SSH1: variants seen among roughly 807,000 people sequenced by gnomAD.
SSH1 encodes the protein protein phosphatase Slingshot homolog 1.
SSH1 carries 43 observed loss-of-function variants against 79.7 expected under a neutral mutation model. That is an observed-to-expected ratio of 0.54 (90% confidence interval 0.42 to 0.70). The LOEUF (loss-of-function observed/expected upper bound fraction) is 0.70. SSH1 is among the 30% of genes least tolerant of loss of function. The probability of loss-of-function intolerance (pLI) is 0.00; values close to 1 mark genes in which losing one functional copy is unlikely to be tolerated. For synonymous variants in SSH1, 599 were observed against 538.3 expected (o/e 1.11, Z -1.56); for missense variants, 1,206 against 1,358.8 (o/e 0.89, Z 1.77).
At position 108,780,330 on chromosome 12, in the gene SSH1, G is replaced by C. The variant is rs555196240; in HGVS notation, c.*7658C>G. 3 of 152,186 alleles carry C rather than the reference G, an allele frequency of 2.0e-5. No homozygotes were observed. Among genetic ancestry groups the C allele is most frequent in the Non-Finnish European group, 4.4e-5 (3 of 68,044 alleles). The allele number at this position is 152,186 out of a possible 1,614,324, so 9.4% of individuals were successfully genotyped here. A position where few individuals can be genotyped will look rare whatever the true frequency, so the allele number is the denominator to read the frequency against. ...GATCTGGGATCGTGCCCAACCGCGA[G>C]ACAGTTACTCTGAGGAGGAAATCAG... On this transcript the variant is annotated 3_prime_UTR_variant, in exon 15 of 15. Coordinates refer to ENST00000326495, the MANE Select transcript of SSH1 (RefSeq NM_018984.4).
rs2136926076 is a variant in SSH1 at position 108,780,966 on chromosome 12, A to C, written c.*7022T>G. 1 of 151,966 alleles carries C rather than the reference A, an allele frequency of 6.6e-6. No homozygotes were observed. The highest frequency in any genetic ancestry group is 2.1e-4 in the South Asian group (1 of 4,790). 9.4% of individuals were successfully genotyped at this position (151,966 alleles called of 1,614,324 possible). ...GGCAGGAAAATCACTTGAACCCAGG[A>C]GGCAGAGGTTGCGGTGAGCTGAGAT... On this transcript the variant is annotated 3_prime_UTR_variant, in exon 15 of 15. Coordinates refer to ENST00000326495, the MANE Select transcript of SSH1 (RefSeq NM_018984.4).
rs1055320447 is a variant in SSH1, at chr12:108,788,036, T to G, written c.3102A>C (p.Lys1034Asn). The change falls in exon 15 of 15, where the codon AAA becomes AAC. Residue 1034 changes from lysine to asparagine, a missense_variant. Around this residue, in one of 5 missense-constraint regions of SSH1, gnomAD observed 709 missense variants for 730.6 expected, o/e 0.97. Transcript: ENST00000326495. ...DPAATSKPSG[K>N]PAPENLKSPS... ...GGCTCTTTAAGTTTTCTGGGGCGGG[T>G]TTCCCTGATGGTTTGGAGGTTGCAG... 6.2e-7 allele frequency: 1 copy of G among 1,613,958 alleles called. No homozygotes were observed. The highest frequency in any genetic ancestry group is 8.5e-7 in the Non-Finnish European group (1 of 1,179,974).
chr12:108,790,853 C>G (rs2036470846), intron 14 of SSH1, among the ~76,000 whole-genome samples: 1 of 152,192 alleles, frequency 6.6e-6, no homozygotes, highest in South Asian at 2.1e-4. Flanking sequence ...AAGTCAGCAG[C>G]AGGGCAAGGG....
rs1039620937 is a variant in SSH1, at chr12:108,784,635, C to G, written c.*3353G>C. The G allele has an allele frequency of 5.3e-5, 8 of 152,208 alleles. No homozygotes were observed. The highest frequency in any genetic ancestry group is 1.7e-4 in the African/African-American group (7 of 41,446). The allele number at this position is 152,208 out of a possible 1,614,324, so 9.4% of individuals were successfully genotyped here. On this transcript the variant is annotated 3_prime_UTR_variant, in exon 15 of 15. Transcript: ENST00000326495. ...AATGGAAATCGGCATTGTCAATTAC[C>G]ATCCGAGAGCAGCCCCGGTTCTCCT...
At chr12:108,844,411 T>A (rs1431014797) in intron 2 of SSH1, among the ~76,000 whole-genome samples, 3 of 152,006 alleles carry the variant, frequency 2.0e-5, no homozygotes, top group African/African-American at 7.2e-5. Flanking sequence ...TTTACCAGGG[T>A]GATGTCAGAC....
In SSH1 at chr12:108,847,684, G is replaced by A. The variant is rs553190200; in HGVS notation, c.110+4954C>T. On this transcript the variant is annotated intron_variant, in intron 2 of 14. Transcript: ENST00000326495. ...GTTGGCCAGGCTGGTCTCGAACTCC[G>A]GAGCTCCAGTGATCCGTCCCGCCTT... Among the ~76,000 whole-genome samples the A allele has an allele frequency of 3.9e-5, 6 of 152,082 alleles. No homozygotes were observed. In the East Asian group the frequency reaches 5.8e-4, roughly 15 times the overall value.
rs917942748 is a variant in SSH1 at position 108,818,429 on chromosome 12, T to A, written c.215-116A>T. On this transcript the variant is annotated intron_variant, in intron 3 of 14. Transcript: ENST00000326495. ...AAAGATTGAGAAGTTAAAATTTGTC[T>A]ACCTACACCACAGGAGAATCACCAC... 6 of 865,420 alleles carry A rather than the reference T, an allele frequency of 6.9e-6. No homozygotes were observed. In the African/African-American group the frequency reaches 1.0e-4, roughly 15 times the overall value. The allele number at this position is 865,420 out of a possible 1,614,324, so 53.6% of individuals were successfully genotyped here.
rs532544364 is a variant in SSH1, at chr12:108,803,455, C to T, written c.955-1087G>A. On this transcript the variant is annotated intron_variant, in intron 10 of 14. Coordinates refer to ENST00000326495, the MANE Select transcript of SSH1 (RefSeq NM_018984.4). ...AAAGAGCAAAAGAATCCACCTTTGTCTTCCTTGAAACTTCCTTTCCCAAGT... is the reference window on the plus strand; with the variant it reads ...AAAGAGCAAAAGAATCCACCTTTGTTTTCCTTGAAACTTCCTTTCCCAAGT... Among the ~76,000 whole-genome samples, 7 of 149,888 alleles carry T rather than the reference C, an allele frequency of 4.7e-5. No homozygotes were observed. In the South Asian group the frequency reaches 1.3e-3, roughly 28 times the overall value.
chr12:108,798,062 C>T (rs1160731105), intron 13 of SSH1, among the ~76,000 whole-genome samples: 1 of 152,228 alleles, frequency 6.6e-6, no homozygotes, highest in Non-Finnish European at 1.5e-5. Context: ...GGGGCCTGCA[C>T]AGGGTTCACT....
chr12:108,846,710 G>A (rs999822344), intron 2 of SSH1, among the ~76,000 whole-genome samples: 27 of 152,172 alleles, frequency 1.8e-4, no homozygotes, highest in Admixed American at 7.2e-4. Context: ...GAATGTAGCC[G>A]GGTAAAGGAG....
chr12:108,845,624 T>C (rs1356225027), intron 2 of SSH1, among the ~76,000 whole-genome samples: 1 of 151,930 alleles, frequency 6.6e-6, no homozygotes, highest in African/African-American at 2.4e-5. Context: ...GAGGCGGAGG[T>C]TGCAGCGAGC....
intron 2 of SSH1, among the ~76,000 whole-genome samples, chr12:108,838,298 T>C (rs1011082725): frequency 6.6e-6 from 1 of 152,204 alleles, no homozygotes; most frequent in African/African-American, 2.4e-5. Flanking sequence ...GCCCTCTTCG[T>C]GTTTTCCAGA....
At position 108,805,053 on chromosome 12, in the gene SSH1, T is replaced by C. The variant is rs1389621495; in HGVS notation, c.954+3A>G. The C allele has an allele frequency of 1.9e-6, 3 of 1,614,166 alleles. No homozygotes were observed. The highest frequency in any genetic ancestry group is 2.2e-5 in the South Asian group (2 of 91,082). On this transcript the variant is annotated splice_donor_region_variant and intron_variant, in intron 10 of 14. Transcript: ENST00000326495. ...CAGATACTGCCAGGGCCATGCCTCT[T>C]ACGAGATAAAGATGATCGAAGATAA...
intron 5 of SSH1, among the ~76,000 whole-genome samples, chr12:108,816,459 C>T (rs1207040695): frequency 2.0e-5 from 3 of 152,176 alleles, no homozygotes; most frequent in Admixed American, 2.0e-4. Flanking sequence ...GGAGTGACTC[C>T]ACCCTCATTT....
chr12:108,808,468 CG>C (rs2037399745), intron 7 of SSH1, among the ~76,000 whole-genome samples: 2 of 152,218 alleles, frequency 1.3e-5, no homozygotes, highest in Admixed American at 1.3e-4. Flanking sequence ...AGGTGGTTCA[CG>C]GGTTATTTTA....
rs1181243498 is a variant in SSH1, at chr12:108,792,571, C to A, written c.1608G>T (p.Glu536Asp). Reference sequence around the variant, plus strand: ...CAGCTTCCTCCAACAGAGCCTCCCTCTCCGGATCCTCCAGGTGGACCAAGC... The same window carrying A: ...CAGCTTCCTCCAACAGAGCCTCCCTATCCGGATCCTCCAGGTGGACCAAGC... Reference protein sequence around the residue: ...TGSLVHLEDPEREALLEEAAP... With the variant: ...TGSLVHLEDPDREALLEEAAP... Residue 536 changes from glutamate (E) to aspartate (D), a missense_variant, in exon 14 of 15, where the codon GAG (glutamate) becomes GAT (aspartate). Glu to Asp is a conservative substitution (Grantham distance 45). This residue lies in a region of SSH1 where 709 missense variants were observed against 730.6 expected (regional missense o/e 0.97). Coordinates refer to ENST00000326495, the MANE Select transcript of SSH1 (RefSeq NM_018984.4). The A allele has an allele frequency of 6.2e-7, 1 of 1,613,718 alleles. No individual in the cohort carries two copies. The highest frequency in any genetic ancestry group is 2.2e-5 in the East Asian group (1 of 44,888).
At chr12:108,852,518 C>T (rs1593138698) in intron 2 of SSH1, 120 bp downstream of exon 2, 2 of 1,268,450 alleles carry the variant, frequency 1.6e-6, no homozygotes, top group South Asian at 1.2e-5. Flanking sequence ...GCGTGACCCA[C>T]CGCACCCAGC....
chr12:108,809,549 G>T, intron 7 of SSH1, 144 bp downstream of exon 7: 7 of 724,450 alleles, frequency 9.7e-6, no homozygotes, highest in East Asian at 2.7e-5. Flanking sequence ...TGGTGAAAAT[G>T]ATAAACTTTA....
intron 7 of SSH1, among the ~76,000 whole-genome samples, chr12:108,808,692 G>A (rs2037411435): frequency 6.6e-6 from 1 of 152,076 alleles, no homozygotes. Flanking sequence ...TAGCTTAGAT[G>A]CTTAGATTTC....
Sources: allele counts gnomAD v4.1 joint callset (sites outside exome capture counted in the v4.1 genomes callset), GRCh38; gene constraint gnomAD v4.1.1; regional missense constraint gnomAD v4.1.1; transcripts MANE v1.5; gene names NCBI Gene and HGNC (gene_info 2026-07-23, HGNC 2026-07-21).